Variants in PRKACB observed in about 807,000 individuals in gnomAD.
The protein encoded by PRKACB is protein kinase cAMP-activated catalytic subunit beta.
PRKACB carries 16 observed loss-of-function variants against 51.4 expected under a neutral mutation model. That is an observed-to-expected ratio of 0.31 (90% CI 0.21 to 0.47). The LOEUF is 0.47. PRKACB is among the 20% of genes least tolerant of loss of function. The pLI, the probability that PRKACB is intolerant of heterozygous loss-of-function variation, is 1.00. For synonymous variants in PRKACB, 147 were observed against 154.4 expected (o/e 0.95, Z 0.35); for missense variants, 309 against 464.5 (o/e 0.67, Z 3.08).
intron 5 of PRKACB, among the ~76,000 whole-genome samples, chr1:84,193,315 C>T (rs1667330215): frequency 6.6e-6 from 1 of 152,058 alleles, no homozygotes; most frequent in South Asian, 2.1e-4. Context: ...GCTGTAGTTC[C>T]CAGGGCCAGT....
At chr1:84,147,567 A>T (rs979419928) in intron 1 of PRKACB, among the ~76,000 whole-genome samples, 16 of 152,018 alleles carry the variant, frequency 1.1e-4, no homozygotes, top group Admixed American at 1.0e-3. Context: ...AATAAGATCT[A>T]GTTCTTACCC....
chr1:84,128,007 C>CTTTTTTTT (rs10537848), intron 1 of PRKACB, among the ~76,000 whole-genome samples: 3 of 105,398 alleles, frequency 2.8e-5, no homozygotes, highest in Non-Finnish European at 5.8e-5. Flanking sequence ...CTTTTTTTTT[C>CTTTTTTTT]TTTTTTTTTT....
At position 84,184,122 on chromosome 1, in the gene PRKACB, A is replaced by G; in HGVS notation, c.464A>G (p.Glu155Gly). The G allele has an allele frequency of 6.2e-7, 1 of 1,603,368 alleles. No individual in the cohort carries two copies. Among genetic ancestry groups the G allele is most frequent in the Admixed American group, 1.7e-5 (1 of 58,836 alleles). The change falls in exon 4 of 10, where the codon GAG becomes GGG. Residue 155 changes from glutamate (E) to glycine (G), a missense_variant. Transcript: ENST00000370685. ...AVNFPFLVRL[E>G]YAFKDNSNLY... Reference sequence around the variant, plus strand: ...AATTTTCCTTTCCTTGTTCGACTGGAGTATGCTTTTAAGGTAAATTTTAGT... The same window carrying G: ...AATTTTCCTTTCCTTGTTCGACTGGGGTATGCTTTTAAGGTAAATTTTAGT...
At chr1:84,204,376 A>T in intron 8 of PRKACB, 1 of 812,584 alleles carries the variant, frequency 1.2e-6, no homozygotes, top group Non-Finnish European at 2.0e-6. Context: ...AGAAAAGCAG[A>T]ATGCAGTACT....
chr1:84,136,663 C>T (rs1652857985), intron 1 of PRKACB, among the ~76,000 whole-genome samples: 2 of 152,154 alleles, frequency 1.3e-5, no homozygotes, highest in African/African-American at 4.8e-5. Context: ...CCACACAATC[C>T]AGCAATCACA....
At chr1:84,088,792 T>C (rs190267529) in intron 1 of PRKACB, among the ~76,000 whole-genome samples, 4 of 152,318 alleles carry the variant, frequency 2.6e-5, no homozygotes, top group Non-Finnish European at 5.9e-5. Flanking sequence ...TATGCTAGTC[T>C]GTAGATGCAA....
At chr1:84,088,993 A>G (rs1045362232) in intron 1 of PRKACB, among the ~76,000 whole-genome samples, 8 of 152,146 alleles carry the variant, frequency 5.3e-5, no homozygotes, top group Non-Finnish European at 1.2e-4. Context: ...TGAAATGGAA[A>G]CTTCCTTTGA....
At chr1:84,127,837 C>T (rs958974069) in intron 1 of PRKACB, among the ~76,000 whole-genome samples, 3 of 151,858 alleles carry the variant, frequency 2.0e-5, no homozygotes, top group African/African-American at 7.3e-5. Flanking sequence ...ATTTCCTATA[C>T]TTAAATCATA....
chr1:84,148,230 T>G (rs1194818877), intron 1 of PRKACB, among the ~76,000 whole-genome samples: 1 of 152,128 alleles, frequency 6.6e-6, no homozygotes, highest in African/African-American at 2.4e-5. Context: ...TTAGGCATCC[T>G]CTCAGGTATC....
rs1475252517 is a variant in PRKACB, at chr1:84,236,320, A to G, written c.*1015A>G. On this transcript the variant is annotated 3_prime_UTR_variant, in exon 10 of 10. Transcript: ENST00000370685. ...AAGTCAAAAATGGCTTGATTTTTGG[A>G]AACAATATAGAGGTATTCATATTTA... 1.3e-5 allele frequency: 2 copies of G among 152,618 alleles called. No individual in the cohort carries two copies. Among genetic ancestry groups the G allele is most frequent in the Non-Finnish European group, 2.9e-5 (2 of 68,026 alleles). The allele number at this position is 152,618 out of a possible 1,614,324, so 9.5% of individuals were successfully genotyped here.
intron 9 of PRKACB, among the ~76,000 whole-genome samples, chr1:84,227,266 G>C (rs745425987): frequency 1.2e-4 from 18 of 151,504 alleles, no homozygotes; most frequent in Non-Finnish European, 2.1e-4. Context: ...CTTGGGTATT[G>C]GTCTCTTCAA....
chr1:84,108,814 T>A (rs942306128), intron 1 of PRKACB, among the ~76,000 whole-genome samples: 4 of 152,082 alleles, frequency 2.6e-5, no homozygotes, highest in Admixed American at 2.0e-4. Flanking sequence ...CATTTTTGAA[T>A]TTTTCTTTGC....
At chr1:84,128,654 ATTCTC>A (rs1272371742) in intron 1 of PRKACB, among the ~76,000 whole-genome samples, 2 of 152,202 alleles carry the variant, frequency 1.3e-5, no homozygotes, top group African/African-American at 4.8e-5. Flanking sequence ...TTTTATGTAT[ATTCTC>A]TTAGTTGAGC....
At chr1:84,160,412 A>G (rs1656033060) in intron 1 of PRKACB, among the ~76,000 whole-genome samples, 1 of 150,904 alleles carries the variant, frequency 6.6e-6, no homozygotes, top group Admixed American at 6.6e-5. Flanking sequence ...TTCATTACTG[A>G]TTTCTGTAAT....
chr1:84,119,522 A>G (rs1385507468), intron 1 of PRKACB, among the ~76,000 whole-genome samples: 1 of 152,124 alleles, frequency 6.6e-6, no homozygotes, highest in African/African-American at 2.4e-5. Context: ...TGTCCTTCAT[A>G]TAAATGAAAA....
intron 1 of PRKACB, among the ~76,000 whole-genome samples, chr1:84,095,249 T>G (rs963509799): frequency 4.7e-5 from 7 of 149,130 alleles, no homozygotes; most frequent in African/African-American, 1.7e-4. Context: ...TATTTGCTGT[T>G]TTTTTTTTTT....
At chr1:84,213,885 T>C (rs1009473002) in intron 8 of PRKACB, among the ~76,000 whole-genome samples, 1 of 152,182 alleles carries the variant, frequency 6.6e-6, no homozygotes, top group African/African-American at 2.4e-5. Flanking sequence ...GGTGTGCACA[T>C]TTTTCTGGAG....
At chr1:84,189,125 C>A (rs916112828) in intron 5 of PRKACB, among the ~76,000 whole-genome samples, 1 of 151,770 alleles carries the variant, frequency 6.6e-6, no homozygotes, top group Non-Finnish European at 1.5e-5. Context: ...CTCATTATTT[C>A]TTTTTCCCAT....
At chr1:84,215,072 T>A (rs1220227575) in intron 9 of PRKACB, among the ~76,000 whole-genome samples, 1 of 152,232 alleles carries the variant, frequency 6.6e-6, no homozygotes, top group East Asian at 1.9e-4. Flanking sequence ...CACCTTCTTG[T>A]GGCATATTGG....
Sources: gnomAD v4.1 joint callset for allele counts (sites outside exome capture counted in the v4.1 genomes callset) on GRCh38, gnomAD v4.1.1 for gene constraint, MANE v1.5 for transcripts, NCBI Gene and HGNC (gene_info 2026-07-23, HGNC 2026-07-21) for gene names.